Variants in KAZN observed in about 807,000 individuals in gnomAD.
KAZN encodes the protein kazrin, periplakin interacting protein.
KAZN carries 40 observed loss-of-function variants against 87.4 expected under a neutral mutation model. That is an observed-to-expected ratio of 0.46 (90% CI 0.36 to 0.60). The LOEUF is 0.60. Ranked by LOEUF, KAZN falls within the 20% of genes least tolerant of loss-of-function variation. The pLI is 0.00. For synonymous variants in KAZN, 466 were observed against 458.3 expected (o/e 1.02, Z -0.22); for missense variants, 898 against 1,073.9 (o/e 0.84, Z 2.29).
chr1:14,294,550 C>A (rs968441258), intron 2 of KAZN, among the ~76,000 whole-genome samples: 1 of 151,610 alleles, frequency 6.6e-6, no homozygotes, highest in African/African-American at 2.4e-5. Flanking sequence ...CAACATCAGA[C>A]AGCTAGTAAG....
intron 1 of KAZN, among the ~76,000 whole-genome samples, chr1:14,080,938 A>G (rs184968013): frequency 6.6e-6 from 1 of 152,296 alleles, no homozygotes; most frequent in East Asian, 1.9e-4. Flanking sequence ...TTAAGGCCAT[A>G]CTTGTCACCC....
intron 1 of KAZN, among the ~76,000 whole-genome samples, chr1:14,710,448 G>A (rs1361811557): frequency 2.0e-5 from 3 of 152,028 alleles, no homozygotes; most frequent in Non-Finnish European, 4.4e-5. Context: ...GGCCCTAAAG[G>A]CCCTCCAGCT....
At chr1:14,471,682 C>A (rs1668462481) in intron 2 of KAZN, among the ~76,000 whole-genome samples, 2 of 152,202 alleles carry the variant, frequency 1.3e-5, no homozygotes, top group African/African-American at 4.8e-5. Context: ...TTATACTCAG[C>A]CACACTGGAA....
intron 2 of KAZN, among the ~76,000 whole-genome samples, chr1:14,510,304 G>C (rs960205661): frequency 6.6e-6 from 1 of 151,976 alleles, no homozygotes; most frequent in African/African-American, 2.4e-5. Context: ...CTTGAACCCA[G>C]GGGGTGGAGG....
At chr1:14,503,641 T>C (rs1315685378) in intron 2 of KAZN, among the ~76,000 whole-genome samples, 1 of 151,322 alleles carries the variant, frequency 6.6e-6, no homozygotes, top group African/African-American at 2.4e-5. Context: ...TACCAGATGC[T>C]GGCCACCATG....
intron 1 of KAZN, among the ~76,000 whole-genome samples, chr1:13,934,658 TTC>T (rs1640652658): frequency 6.6e-6 from 1 of 152,188 alleles, no homozygotes; most frequent in Non-Finnish European, 1.5e-5. Context: ...GTTTCTCTCT[TTC>T]TCTTTCTCTC....
At chr1:14,831,942 C>T (rs1647060722) in intron 1 of KAZN, among the ~76,000 whole-genome samples, 1 of 152,110 alleles carries the variant, frequency 6.6e-6, no homozygotes, top group Non-Finnish European at 1.5e-5. Context: ...CACCTGTACT[C>T]GCAGCACTTT....
intron 1 of KAZN, among the ~76,000 whole-genome samples, chr1:14,725,591 C>G (rs1643341768): frequency 6.6e-6 from 1 of 152,064 alleles, no homozygotes; most frequent in South Asian, 2.1e-4. Context: ...TCACTGTTCC[C>G]CTTTTACAGG....
chr1:14,354,246 A>G (rs1354968191), intron 2 of KAZN, among the ~76,000 whole-genome samples: 5 of 152,226 alleles, frequency 3.3e-5, no homozygotes, highest in African/African-American at 1.2e-4. Context: ...CTACAGGGAA[A>G]TATATTCACA....
chr1:14,064,630 T>C (rs1383246183), intron 1 of KAZN, among the ~76,000 whole-genome samples: 5 of 149,482 alleles, frequency 3.3e-5, no homozygotes, highest in Non-Finnish European at 7.4e-5. Context: ...GCGGGAAAGC[T>C]GGATGGGACT....
At chr1:14,419,830 G>A (rs369564870) in intron 2 of KAZN, among the ~76,000 whole-genome samples, 14 of 152,226 alleles carry the variant, frequency 9.2e-5, no homozygotes, top group South Asian at 2.1e-4. Flanking sequence ...CGCTGGTCTC[G>A]GAAGTGAAGC....
chr1:14,659,194 C>G (rs1180578830), intron 1 of KAZN, among the ~76,000 whole-genome samples: 1 of 152,030 alleles, frequency 6.6e-6, no homozygotes, highest in East Asian at 1.9e-4. Context: ...TGCCACTGCA[C>G]TCCAGCCTGT....
chr1:14,104,245 C>A (rs1644321636), intron 1 of KAZN, among the ~76,000 whole-genome samples: 1 of 152,162 alleles, frequency 6.6e-6, no homozygotes, highest in Admixed American at 6.5e-5. Flanking sequence ...CTGCTCCTTC[C>A]CCGCAAGGAG....
chr1:14,988,930 G>A (rs1307160432), intron 2 of KAZN, among the ~76,000 whole-genome samples: 3 of 152,252 alleles, frequency 2.0e-5, no homozygotes, highest in Non-Finnish European at 4.4e-5. Context: ...ATTCCTGGGG[G>A]AGGTCCTCGC....
At chr1:14,288,943 A>C (rs985385012) in intron 2 of KAZN, among the ~76,000 whole-genome samples, 1 of 152,208 alleles carries the variant, frequency 6.6e-6, no homozygotes, top group Non-Finnish European at 1.5e-5. Flanking sequence ...TTATGTACCC[A>C]GTAGTCATTC....
At chr1:14,183,862 C>T (rs1646249917) in intron 2 of KAZN, among the ~76,000 whole-genome samples, 1 of 152,050 alleles carries the variant, frequency 6.6e-6, no homozygotes, top group Admixed American at 6.5e-5. Flanking sequence ...CTTCTGCAGG[C>T]CATGGAACAA....
At chr1:14,528,357 A>G (rs1311596588) in intron 2 of KAZN, among the ~76,000 whole-genome samples, 3 of 149,422 alleles carry the variant, frequency 2.0e-5, no homozygotes, top group Non-Finnish European at 4.4e-5. Flanking sequence ...AAAAAAAAAA[A>G]AAAAGAAAGA....
chr1:13,903,994 T>A (rs1388885151), intron 1 of KAZN, among the ~76,000 whole-genome samples: 2 of 152,066 alleles, frequency 1.3e-5, no homozygotes, highest in African/African-American at 4.8e-5. Context: ...TAGAGAGGCA[T>A]GAACCACTCC....
chr1:14,119,173 C>T (rs994157139), intron 1 of KAZN, among the ~76,000 whole-genome samples: 8 of 152,192 alleles, frequency 5.3e-5, no homozygotes, highest in Admixed American at 1.3e-4. Context: ...TCTTCTTTCC[C>T]GCATGTTATC....
Sources: gnomAD v4.1 joint callset for allele counts (sites outside exome capture counted in the v4.1 genomes callset) on GRCh38, gnomAD v4.1.1 for gene constraint, MANE v1.5 for transcripts, NCBI Gene and HGNC (gene_info 2026-07-23, HGNC 2026-07-21) for gene names.